Variants in WAPL observed in about 807,000 individuals in gnomAD.
The protein encoded by WAPL is WAPL cohesin release factor.
Under a neutral mutation model 121.0 loss-of-function variants are expected in WAPL, and 5 were observed. The ratio of observed to expected loss-of-function variants is 0.04; its 90% CI spans 0.02 to 0.09. The LOEUF (loss-of-function observed/expected upper bound fraction) is 0.09. Ranked by LOEUF, WAPL falls within the 10% of genes least tolerant of loss-of-function variation. The pLI is 1.00. For synonymous variants in WAPL, 480 were observed against 481.5 expected (o/e 1.00, Z 0.04); for missense variants, 999 against 1,410.8 (o/e 0.71, Z 4.68).
At chr10:86,484,877 T>C (rs1200933487) in intron 4 of WAPL, among the ~76,000 whole-genome samples, 2 of 152,240 alleles carry the variant, frequency 1.3e-5, no homozygotes, top group Non-Finnish European at 2.9e-5. Flanking sequence ...GTGTTCTGTG[T>C]GCACAATGAA....
intron 10 of WAPL, 47 bp from the exon 11 acceptor site, chr10:86,460,543 T>C (rs747476514): frequency 2.7e-6 from 4 of 1,484,796 alleles, no homozygotes; most frequent in South Asian, 1.1e-5. Flanking sequence ...CATCGATACT[T>C]ACCAATAGAA....
intron 9 of WAPL, among the ~76,000 whole-genome samples, chr10:86,465,356 C>T (rs762379420): frequency 3.3e-5 from 5 of 152,182 alleles, no homozygotes; most frequent in Admixed American, 6.5e-5. Context: ...CAGGCACCCA[C>T]CACCACGCAC....
At chr10:86,455,028 A>T (rs1255664155) in intron 12 of WAPL, among the ~76,000 whole-genome samples, 3 of 141,306 alleles carry the variant, frequency 2.1e-5, no homozygotes, top group Non-Finnish European at 4.6e-5. Context: ...GGTGGGGGGC[A>T]GCCCCCGCCC....
intron 10 of WAPL, 31 bp downstream of exon 10, chr10:86,461,145 T>C (rs765873018): frequency 3.3e-6 from 5 of 1,507,174 alleles, no homozygotes; most frequent in African/African-American, 1.4e-5. Context: ...TTAAATAATA[T>C]ATAAAAACAT....
intron 12 of WAPL, among the ~76,000 whole-genome samples, chr10:86,457,546 G>A (rs1354426475): frequency 6.6e-6 from 1 of 151,856 alleles, no homozygotes; most frequent in Non-Finnish European, 1.5e-5. Context: ...CCAGCTATTC[G>A]GAAGGCTGAG....
chr10:86,454,478 C>T (rs1841082264), intron 12 of WAPL, among the ~76,000 whole-genome samples: 1 of 152,214 alleles, frequency 6.6e-6, no homozygotes, highest in Non-Finnish European at 1.5e-5. Context: ...AACCTCCCTG[C>T]CTGATTCTCC....
chr10:86,497,146 T>C, intron 4 of WAPL, 55 bp downstream of exon 4: 19 of 1,372,134 alleles, frequency 1.4e-5, no homozygotes, highest in East Asian at 2.3e-5. Flanking sequence ...AAATTAAGAG[T>C]TGAGCCCTCC....
chr10:86,446,178 T>G, intron 16 of WAPL, 64 bp downstream of exon 16: 3 of 1,572,406 alleles, frequency 1.9e-6, no homozygotes, highest in Non-Finnish European at 1.7e-6. Flanking sequence ...TAAAATAGTT[T>G]GAAGAAAAAA....
intron 2 of WAPL, among the ~76,000 whole-genome samples, chr10:86,516,252 C>T (rs184050719): frequency 3.3e-5 from 5 of 152,278 alleles, no homozygotes; most frequent in Non-Finnish European, 5.9e-5. Context: ...GCAGGAAGGA[C>T]AGCCAAATTA....
chr10:86,443,535 T>G, intron 16 of WAPL, 172 bp from the exon 17 acceptor site: 2 of 495,928 alleles, frequency 4.0e-6, no homozygotes, highest in Non-Finnish European at 3.5e-6. Flanking sequence ...GAAATAGGGA[T>G]CCAAAAGAAA....
intron 2 of WAPL, among the ~76,000 whole-genome samples, chr10:86,510,428 T>C (rs1842439257): frequency 6.6e-6 from 1 of 152,182 alleles, no homozygotes; most frequent in Non-Finnish European, 1.5e-5. Flanking sequence ...CTGAAAAGCA[T>C]AATGTATTAT....
intron 2 of WAPL, among the ~76,000 whole-genome samples, chr10:86,509,961 T>G (rs941893364): frequency 6.0e-5 from 9 of 151,068 alleles, no homozygotes; most frequent in African/African-American, 2.2e-4. Flanking sequence ...AGACCGGGTT[T>G]TACCATGTTG....
intron 4 of WAPL, among the ~76,000 whole-genome samples, chr10:86,493,425 T>C (rs946069349): frequency 6.6e-6 from 1 of 152,182 alleles, no homozygotes; most frequent in African/African-American, 2.4e-5. Context: ...AAAGGGACTA[T>C]GTACAATTAT....
intron 9 of WAPL, among the ~76,000 whole-genome samples, chr10:86,462,847 G>A (rs1841317404): frequency 6.6e-6 from 1 of 152,026 alleles, no homozygotes. Flanking sequence ...AATTTAGACT[G>A]GTTCGTGTGT....
In WAPL at chr10:86,497,280, T is replaced by A. The variant is rs752929888; in HGVS notation, c.1565A>T (p.Glu522Val). The change falls in exon 4 of 19, where the codon GAA becomes GTA. Residue 522 changes from glutamate (E) to valine (V), a missense_variant. This residue lies in a region of WAPL where 531 missense variants were observed against 563.1 expected (regional missense o/e 0.94). Coordinates refer to ENST00000298767, the MANE Select transcript of WAPL (RefSeq NM_015045.5). ...TTTATTTATGGGCTTCTTCACACTT[T>A]CAGGCACACCAGGCAAGTCCTCTGT... ...DFTEDLPGVP[E>V]SVKKPINKQG... is the part of the protein sequence containing the mutation. 6.2e-7 allele frequency: 1 copy of A among 1,612,958 alleles called. No homozygotes were observed. Among genetic ancestry groups the A allele is most frequent in the Admixed American group, 1.7e-5 (1 of 59,784 alleles).
At chr10:86,443,407 C>G in intron 16 of WAPL, 44 bp from the exon 17 acceptor site, 2 of 1,551,036 alleles carry the variant, frequency 1.3e-6, no homozygotes, top group Non-Finnish European at 1.8e-6. Context: ...TATTAATTAA[C>G]ACAAACCTCA....
chr10:86,510,067 C>G (rs1356385594), intron 2 of WAPL, among the ~76,000 whole-genome samples: 1 of 117,680 alleles, frequency 8.5e-6, no homozygotes, highest in Non-Finnish European at 1.7e-5. Context: ...CTCCACCCGG[C>G]CTTTTTTTTT....
intron 9 of WAPL, 135 bp downstream of exon 9, chr10:86,467,144 A>T: frequency 1.4e-6 from 1 of 740,430 alleles, no homozygotes. Context: ...CTCAGATCTA[A>T]ACATAAGAAA....
At chr10:86,505,867 T>C (rs1564587529) in intron 2 of WAPL, among the ~76,000 whole-genome samples, 1 of 152,142 alleles carries the variant, frequency 6.6e-6, no homozygotes, top group East Asian at 1.9e-4. Flanking sequence ...GAACAGTTTC[T>C]GGGGCATAAT....
Sources: allele counts gnomAD v4.1 joint callset (sites outside exome capture counted in the v4.1 genomes callset), GRCh38; gene constraint gnomAD v4.1.1; regional missense constraint gnomAD v4.1.1; transcripts MANE v1.5; gene names NCBI Gene and HGNC (gene_info 2026-07-23, HGNC 2026-07-21).